Variants in LUZP2 observed in about 807,000 individuals in gnomAD.
The protein encoded by LUZP2 is leucine zipper protein 2.
A neutral mutation model predicts 51.6 loss-of-function variants in LUZP2; 52 were observed. The observed-to-expected ratio is 1.01, with a 90% CI of 0.81 to 1.27. The LOEUF (loss-of-function observed/expected upper bound fraction) is 1.27, where lower values mean the gene tolerates loss of function less well. Ranked by LOEUF, LUZP2 falls within the 50% of genes most tolerant of loss-of-function variation. The probability of loss-of-function intolerance (pLI) is 0.00; values close to 1 mark genes in which losing one functional copy is unlikely to be tolerated. For synonymous variants in LUZP2, 154 were observed against 137.3 expected, an observed-to-expected ratio of 1.12 and a Z score of -0.85; for missense variants, 436 against 395.4, an observed-to-expected ratio of 1.10 and a Z score of -0.87.
At chr11:24,989,919 A>G (rs1856288994) in intron 9 of LUZP2, among the ~76,000 whole-genome samples, 2 of 152,118 alleles carry the variant, frequency 1.3e-5, no homozygotes, top group African/African-American at 2.4e-5. Context: ...TATACAAACT[A>G]AATTGATTCA....
Position 24,635,187 on chromosome 11 carries a change from TAA to T in LUZP2, c.63-93974_63-93973del, listed in dbSNP as rs11307499. Among the ~76,000 whole-genome samples the T allele has an allele frequency of 6.6e-5, 10 of 151,032 alleles. No individual in the cohort carries two copies. In the Middle Eastern group the frequency reaches 0.01, roughly 155 times the overall value. On this transcript the variant is annotated intron_variant, in intron 1 of 11. Transcript: ENST00000336930. ...CTTGTACCCTTTAAATAAATACAAA[TAA>T]AAAAAAATTATAAAAGATAATGAAA...
intron 7 of LUZP2, among the ~76,000 whole-genome samples, chr11:24,966,533 T>C (rs1407351432): frequency 6.7e-6 from 1 of 150,298 alleles, no homozygotes; most frequent in Non-Finnish European, 1.5e-5. Flanking sequence ...TTTAGGTCAA[T>C]AATTCATTTC....
intron 5 of LUZP2, among the ~76,000 whole-genome samples, chr11:24,798,576 T>C (rs1849610439): frequency 6.6e-6 from 1 of 152,176 alleles, no homozygotes; most frequent in Non-Finnish European, 1.5e-5. Context: ...ATCTGCCTTG[T>C]GTGCAATACC....
At chr11:25,021,677 A>G (rs1857338020) in intron 9 of LUZP2, among the ~76,000 whole-genome samples, 1 of 152,032 alleles carries the variant, frequency 6.6e-6, no homozygotes, top group African/African-American at 2.4e-5. Context: ...TTTCATGTTA[A>G]CTGAATGTGG....
At chr11:24,524,577 C>T (rs1850736392) in intron 1 of LUZP2, among the ~76,000 whole-genome samples, 1 of 151,642 alleles carries the variant, frequency 6.6e-6, no homozygotes, top group Admixed American at 6.6e-5. Flanking sequence ...GCAAGAGCAC[C>T]ATTGTTTATA....
chr11:24,937,561 CT>C, intron 7 of LUZP2, among the ~76,000 whole-genome samples: 1 of 152,204 alleles, frequency 6.6e-6, no homozygotes, highest in Non-Finnish European at 1.5e-5. Context: ...TACCAGCTTA[CT>C]TTTTTAGAGT....
intron 1 of LUZP2, among the ~76,000 whole-genome samples, chr11:24,645,535 C>T (rs570425742): frequency 6.6e-6 from 1 of 152,260 alleles, no homozygotes; most frequent in South Asian, 2.1e-4. Flanking sequence ...CACTTGACAG[C>T]TGTCACCCTC....
At chr11:24,822,663 G>T (rs1307393467) in intron 5 of LUZP2, among the ~76,000 whole-genome samples, 1 of 152,116 alleles carries the variant, frequency 6.6e-6, no homozygotes, top group African/African-American at 2.4e-5. Context: ...CAGGGTCTCA[G>T]CATTTCTGCC....
At chr11:24,605,330 T>TA (rs1386382242) in intron 1 of LUZP2, among the ~76,000 whole-genome samples, 3 of 151,748 alleles carry the variant, frequency 2.0e-5, no homozygotes, top group East Asian at 1.9e-4. Flanking sequence ...AAAAGAATGA[T>TA]AAAAAATTCT....
chr11:24,683,362 AT>A (rs1856805528), intron 1 of LUZP2, among the ~76,000 whole-genome samples: 2 of 152,152 alleles, frequency 1.3e-5, no homozygotes, highest in East Asian at 3.9e-4. Context: ...AGCTTGACTG[AT>A]TTAGGGGGCT....
At chr11:24,609,222 C>T (rs1220217545) in intron 1 of LUZP2, among the ~76,000 whole-genome samples, 1 of 152,118 alleles carries the variant, frequency 6.6e-6, no homozygotes, top group Non-Finnish European at 1.5e-5. Context: ...ACCTTACCAG[C>T]CTACTGCCTA....
chr11:24,528,622 A>G (rs889960111), intron 1 of LUZP2, among the ~76,000 whole-genome samples: 1 of 151,160 alleles, frequency 6.6e-6, no homozygotes, highest in African/African-American at 2.4e-5. Context: ...CTCTTCATTA[A>G]TCCTCATCAA....
In LUZP2 at chr11:24,613,340, T is replaced by C. The variant is rs1024743624; in HGVS notation, c.63-115829T>C. Among the ~76,000 whole-genome samples the C allele has an allele frequency of 2.3e-4, 30 of 131,936 alleles. 1 individual carries two copies. The highest frequency in any genetic ancestry group is 7.8e-4 in the African/African-American group (27 of 34,414). 86.6% of individuals were successfully genotyped at this position (131,936 alleles called of 152,430 possible). A position where few individuals can be genotyped will look rare whatever the true frequency, so the allele number is the denominator to read the frequency against. ...TGTGCATGGGTGCACACACACACTC[T>C]CATGCACAAACACACTTCTTTCTCT... On this transcript the variant is annotated intron_variant, in intron 1 of 11. Transcript: ENST00000336930.
intron 5 of LUZP2, among the ~76,000 whole-genome samples, chr11:24,903,654 T>C (rs1303696570): frequency 6.6e-6 from 1 of 152,192 alleles, no homozygotes; most frequent in African/African-American, 2.4e-5. Context: ...GTCAGTATGA[T>C]GTCTGAATCC....
intron 5 of LUZP2, among the ~76,000 whole-genome samples, chr11:24,863,454 A>T (rs531598789): frequency 1.3e-5 from 2 of 152,248 alleles, no homozygotes; most frequent in South Asian, 2.1e-4. Flanking sequence ...TTCATATAAG[A>T]CCATATTTTT....
intron 5 of LUZP2, among the ~76,000 whole-genome samples, chr11:24,804,832 C>T (rs1442581871): frequency 2.6e-5 from 4 of 151,678 alleles, no homozygotes; most frequent in Admixed American, 2.6e-4. Flanking sequence ...ATGAGAAGAA[C>T]CTTCTTTATC....
chr11:24,971,373 G>T (rs891443710), intron 7 of LUZP2, among the ~76,000 whole-genome samples: 6 of 152,118 alleles, frequency 3.9e-5, no homozygotes, highest in Non-Finnish European at 7.3e-5. Context: ...GGCAGGAGGT[G>T]AAGTTCAGCT....
At chr11:24,807,548 G>A (rs1849892889) in intron 5 of LUZP2, among the ~76,000 whole-genome samples, 1 of 152,006 alleles carries the variant, frequency 6.6e-6, no homozygotes. Flanking sequence ...AAGACCCAGG[G>A]AAAGCTGTAT....
chr11:24,643,380 T>C (rs181237205), intron 1 of LUZP2, among the ~76,000 whole-genome samples: 1 of 152,046 alleles, frequency 6.6e-6, no homozygotes, highest in East Asian at 1.9e-4. Context: ...ACCAGGATGA[T>C]TTCATGGCTG....
Sources: allele counts gnomAD v4.1 joint callset (sites outside exome capture counted in the v4.1 genomes callset), GRCh38; gene constraint gnomAD v4.1.1; transcripts MANE v1.5; gene names NCBI Gene and HGNC (gene_info 2026-07-23, HGNC 2026-07-21).